Variants in FER observed in about 807,000 individuals in gnomAD.
The protein encoded by FER is FER tyrosine kinase.
FER carries 63 observed loss-of-function variants against 111.0 expected under a neutral mutation model. The ratio of observed to expected loss-of-function variants is 0.57; its 90% confidence interval spans 0.46 to 0.70. The LOEUF (loss-of-function observed/expected upper bound fraction) is 0.70. Ranked by LOEUF, FER falls within the 30% of genes least tolerant of loss-of-function variation. The pLI, the probability that FER is intolerant of heterozygous loss-of-function variation, is 0.00. For missense variants in FER, 914 were observed against 954.0 expected (o/e 0.96, Z 0.55); for synonymous variants, 327 against 313.9 (o/e 1.04, Z -0.44).
intron 10 of FER, among the ~76,000 whole-genome samples, chr5:108,925,307 A>G (rs1002192038): frequency 2.0e-5 from 3 of 152,060 alleles, no homozygotes; most frequent in Admixed American, 2.0e-4. Context: ...GAACATAGGT[A>G]TTTAATAGTT....
chr5:108,900,139 A>G (rs1026697113), intron 10 of FER, among the ~76,000 whole-genome samples: 15 of 152,230 alleles, frequency 9.9e-5, no homozygotes, highest in African/African-American at 3.4e-4. Flanking sequence ...ATACTATAAT[A>G]TATGTAGTTT....
chr5:108,837,490 G>A (rs536612404), intron 5 of FER, among the ~76,000 whole-genome samples: 2 of 152,262 alleles, frequency 1.3e-5, no homozygotes, highest in Admixed American at 1.3e-4. Context: ...TGCCTGGCTA[G>A]CATTCTCAAG....
rs751850079 is a variant in FER at position 109,082,933 on chromosome 5, T to C, written c.1925-17463T>C. ...GAACCCCCTTTACACTTTTCTATTCTAAATGCTAAGCAAGATAGCTTTCTG... is the reference window on the plus strand; with the variant it reads ...GAACCCCCTTTACACTTTTCTATTCCAAATGCTAAGCAAGATAGCTTTCTG... On this transcript the variant is annotated intron_variant, in intron 16 of 19. Coordinates refer to ENST00000281092, the MANE Select transcript of FER (RefSeq NM_005246.4). 5.3e-5 allele frequency among the ~76,000 whole-genome samples: 8 copies of C among 152,030 alleles called. No homozygotes were observed. In the East Asian group the frequency reaches 1.5e-3, roughly 29 times the overall value.
intron 17 of FER, among the ~76,000 whole-genome samples, chr5:109,153,876 T>C (rs772231364): frequency 2.9e-4 from 44 of 151,790 alleles, no homozygotes; most frequent in Non-Finnish European, 5.0e-4. Context: ...GCCTCTGCTT[T>C]CTCATCTCAA....
intron 13 of FER, among the ~76,000 whole-genome samples, chr5:109,004,540 T>C (rs1765247669): frequency 6.6e-6 from 1 of 152,198 alleles, no homozygotes; most frequent in Non-Finnish European, 1.5e-5. Context: ...CTATTAAAAA[T>C]AAGTGTTTGG....
chr5:109,039,651 T>C (rs560384737), intron 14 of FER, among the ~76,000 whole-genome samples: 21 of 152,176 alleles, frequency 1.4e-4, no homozygotes, highest in Middle Eastern at 6.8e-3. Context: ...GAGGGGTCTA[T>C]GCAGAGTAAA....
At chr5:108,993,612 AGGGCAAGGGCGAGGGCGAG>A (rs1405794161) in intron 13 of FER, among the ~76,000 whole-genome samples, 1 of 123,742 alleles carries the variant, frequency 8.1e-6, no homozygotes, top group African/African-American at 3.0e-5. Flanking sequence ...GGCGAGGGAG[AGGGCAAGGGCGAGGGCGAG>A]GGTGAGGGCG....
At chr5:108,879,595 C>G (rs1277214118) in intron 8 of FER, among the ~76,000 whole-genome samples, 4 of 149,456 alleles carry the variant, frequency 2.7e-5, no homozygotes, top group African/African-American at 9.9e-5. Flanking sequence ...AAATGTTTTT[C>G]TCTTCACTTA....
rs1008311010 is a variant in FER at position 108,941,269 on chromosome 5, A to G, written c.1237-4861A>G. On this transcript the variant is annotated intron_variant, in intron 10 of 19. Transcript: ENST00000281092. ...AACCAACTTATTAACTACAGCTCCA[A>G]CTCTCCAGCAGCCTGTCAAAAAAAG... 2.0e-5 allele frequency among the ~76,000 whole-genome samples: 3 copies of G among 152,148 alleles called. No homozygotes were observed. In the East Asian group the frequency reaches 5.8e-4, roughly 29 times the overall value.
intron 16 of FER, among the ~76,000 whole-genome samples, chr5:109,065,601 A>T (rs1449777893): frequency 6.6e-6 from 1 of 152,174 alleles, no homozygotes; most frequent in Non-Finnish European, 1.5e-5. Flanking sequence ...TCATCCCGTA[A>T]TCCTAGCACT....
chr5:108,896,501 C>T (rs1749115870), intron 9 of FER, among the ~76,000 whole-genome samples: 1 of 152,096 alleles, frequency 6.6e-6, no homozygotes, highest in Non-Finnish European at 1.5e-5. Context: ...CTGGATATTA[C>T]TAGGTCTCTC....
In FER at chr5:109,190,024, A is replaced by G. The variant is rs1248210694; in HGVS notation, c.*2449A>G. ...ATAACTTATTGGGAGTCTCTCAGTC[A>G]TATAGAATATTAAATTTAATATAGT... On this transcript the variant is annotated 3_prime_UTR_variant, in exon 20 of 20. Transcript: ENST00000281092. The G allele has an allele frequency of 2.6e-5, 4 of 152,216 alleles. No homozygotes were observed. Among genetic ancestry groups the G allele is most frequent in the Non-Finnish European group, 5.9e-5 (4 of 68,028 alleles). The allele number at this position is 152,216 out of a possible 1,614,324, so 9.4% of individuals were successfully genotyped here. A position where few individuals can be genotyped will look rare whatever the true frequency, so the allele number is the denominator to read the frequency against.
At chr5:108,997,850 G>A (rs1162552911) in intron 13 of FER, among the ~76,000 whole-genome samples, 1 of 152,136 alleles carries the variant, frequency 6.6e-6, no homozygotes, top group Non-Finnish European at 1.5e-5. Flanking sequence ...AATCTAGAGG[G>A]GCAGTCTGGC....
chr5:109,044,114 G>C (rs1197340993), intron 14 of FER, among the ~76,000 whole-genome samples: 5 of 151,490 alleles, frequency 3.3e-5, no homozygotes, highest in Non-Finnish European at 7.4e-5. Flanking sequence ...GTAATGTTTT[G>C]GATTTAATTT....
intron 10 of FER, among the ~76,000 whole-genome samples, chr5:108,941,934 T>C (rs1756331024): frequency 6.6e-6 from 1 of 152,144 alleles, no homozygotes; most frequent in African/African-American, 2.4e-5. Flanking sequence ...TGAGTGATAA[T>C]GATCTGTCAA....
chr5:109,071,800 TTAAC>T (rs1218761422), intron 16 of FER, among the ~76,000 whole-genome samples: 3 of 151,996 alleles, frequency 2.0e-5, no homozygotes, highest in African/African-American at 7.2e-5. Context: ...CCAGAAATTT[TTAAC>T]TAACATTCTT....
intron 1 of FER, among the ~76,000 whole-genome samples, chr5:108,757,856 C>G (rs1250584230): frequency 1.3e-5 from 2 of 152,146 alleles, no homozygotes; most frequent in African/African-American, 4.8e-5. Flanking sequence ...TTAATCATAA[C>G]AAATATAGGA....
At chr5:109,095,577 G>A (rs1294313722) in intron 16 of FER, among the ~76,000 whole-genome samples, 1 of 152,036 alleles carries the variant, frequency 6.6e-6, no homozygotes, top group African/African-American at 2.4e-5. Flanking sequence ...TCAGGAACTT[G>A]TTTGGGTTTA....
At chr5:108,904,061 GTTAC>G (rs1181109425) in intron 10 of FER, among the ~76,000 whole-genome samples, 1 of 151,982 alleles carries the variant, frequency 6.6e-6, no homozygotes, top group Non-Finnish European at 1.5e-5. Flanking sequence ...TGAATGTACA[GTTAC>G]TTCAGTTTTT....
Sources: gnomAD v4.1 joint callset for allele counts (sites outside exome capture counted in the v4.1 genomes callset) on GRCh38, gnomAD v4.1.1 for gene constraint, MANE v1.5 for transcripts, NCBI Gene and HGNC (gene_info 2026-07-23, HGNC 2026-07-21) for gene names.